Variants in SEMA3E observed in about 807,000 individuals in gnomAD.
SEMA3E encodes the protein semaphorin-3E.
A neutral mutation model predicts 93.6 loss-of-function variants in SEMA3E; 49 were observed. That is an observed-to-expected ratio of 0.52 (90% CI 0.42 to 0.66). The LOEUF is 0.66. Among genes scored for constraint, SEMA3E ranks in the 30% least tolerant of loss-of-function variants. The pLI is 0.00. For synonymous variants in SEMA3E, 363 were observed against 330.7 expected (o/e 1.10, Z -1.06); for missense variants, 906 against 964.8 (o/e 0.94, Z 0.81).
At chr7:83,401,112 C>T (rs1442799934) in intron 10 of SEMA3E, among the ~76,000 whole-genome samples, 2 of 152,040 alleles carry the variant, frequency 1.3e-5, no homozygotes, top group East Asian at 1.9e-4. Flanking sequence ...ACAAAATAAA[C>T]TGGGAAAACA....
intron 16 of SEMA3E, chr7:83,372,621 G>A (rs1794764426): frequency 5.3e-6 from 1 of 190,230 alleles, no homozygotes; most frequent in Non-Finnish European, 1.1e-5. Flanking sequence ...GATTGGTCAA[G>A]ATACAAGATA....
intron 2 of SEMA3E, among the ~76,000 whole-genome samples, chr7:83,471,038 ATTAGTTCTGT>A (rs1789883009): frequency 6.6e-6 from 1 of 151,810 alleles, no homozygotes; most frequent in African/African-American, 2.4e-5. Context: ...TCAATACATC[ATTAGTTCTGT>A]TAAACATAAG....
intron 1 of SEMA3E, among the ~76,000 whole-genome samples, chr7:83,552,241 G>A (rs550650547): frequency 6.6e-6 from 1 of 152,280 alleles, no homozygotes; most frequent in Admixed American, 6.5e-5. Context: ...CATAAATTGT[G>A]AAGATTTCAT....
At chr7:83,475,350 G>T (rs935646392) in intron 2 of SEMA3E, among the ~76,000 whole-genome samples, 5 of 152,116 alleles carry the variant, frequency 3.3e-5, no homozygotes, top group South Asian at 4.2e-4. Context: ...TCTTTTGACG[G>T]CTTTTGTTCC....
At chr7:83,422,770 C>T (rs1222671714) in intron 4 of SEMA3E, among the ~76,000 whole-genome samples, 1 of 152,076 alleles carries the variant, frequency 6.6e-6, no homozygotes, top group Non-Finnish European at 1.5e-5. Flanking sequence ...ACTGCAAGAG[C>T]AATACAAGTA....
intron 4 of SEMA3E, among the ~76,000 whole-genome samples, chr7:83,420,369 G>C (rs1788648996): frequency 6.6e-6 from 1 of 152,006 alleles, no homozygotes; most frequent in Admixed American, 6.6e-5. Flanking sequence ...GGTTAAAATG[G>C]CCATACTGCC....
chr7:83,449,148 G>A (rs1310108206), intron 4 of SEMA3E, among the ~76,000 whole-genome samples: 1 of 151,524 alleles, frequency 6.6e-6, no homozygotes, highest in Non-Finnish European at 1.5e-5. Context: ...CGCTCAGGCT[G>A]GAGTGCAGTG....
chr7:83,502,180 C>T (rs1357550624), intron 1 of SEMA3E, among the ~76,000 whole-genome samples: 1 of 152,202 alleles, frequency 6.6e-6, no homozygotes, highest in Non-Finnish European at 1.5e-5. Context: ...AGCATCTCCT[C>T]TACCACCTCT....
chr7:83,621,525 G>A (rs183067620), intron 1 of SEMA3E, among the ~76,000 whole-genome samples: 27 of 152,196 alleles, frequency 1.8e-4, no homozygotes, highest in Admixed American at 1.8e-3. Flanking sequence ...CTAAAAAAGA[G>A]CCCATAAAAC....
chr7:83,546,918 T>C (rs1045768852), intron 1 of SEMA3E, among the ~76,000 whole-genome samples: 11 of 152,068 alleles, frequency 7.2e-5, no homozygotes, highest in African/African-American at 2.2e-4. Context: ...CTCAAACTTG[T>C]TTAAACAAAA....
chr7:83,466,649 T>C, intron 3 of SEMA3E, 48 bp from the exon 4 acceptor site: 2 of 1,605,202 alleles, frequency 1.2e-6, no homozygotes, highest in Non-Finnish European at 1.7e-6. Context: ...AATAAACATG[T>C]TTCGTCCTTT....
intron 5 of SEMA3E, among the ~76,000 whole-genome samples, chr7:83,417,870 G>C (rs560447343): frequency 6.6e-6 from 1 of 152,182 alleles, no homozygotes; most frequent in East Asian, 1.9e-4. Flanking sequence ...TTTAGTGATA[G>C]GTTGAGCGGA....
chr7:83,458,134 A>G (rs1474748451), intron 4 of SEMA3E, among the ~76,000 whole-genome samples: 3 of 151,642 alleles, frequency 2.0e-5, no homozygotes, highest in Non-Finnish European at 4.4e-5. Context: ...AACTATTGGA[A>G]TTTGAAATAA....
intron 1 of SEMA3E, among the ~76,000 whole-genome samples, chr7:83,504,691 T>C (rs1260069860): frequency 3.3e-5 from 5 of 152,218 alleles, no homozygotes; most frequent in South Asian, 4.1e-4. Flanking sequence ...TCAGTTAGTA[T>C]TGATTTACTA....
At chr7:83,373,031 C>T (rs1004961343) in intron 16 of SEMA3E, 3 of 152,052 alleles carry the variant, frequency 2.0e-5, no homozygotes, top group Non-Finnish European at 2.9e-5. Flanking sequence ...GTGCATAATA[C>T]ATCATTTCTA....
intron 13 of SEMA3E, among the ~76,000 whole-genome samples, chr7:83,393,743 G>T (rs1788065311): frequency 6.6e-6 from 1 of 152,084 alleles, no homozygotes; most frequent in Admixed American, 6.6e-5. Flanking sequence ...TGCAACAACT[G>T]TTTCTAAAGA....
At chr7:83,468,437 T>A (rs1283073230) in intron 3 of SEMA3E, among the ~76,000 whole-genome samples, 1 of 152,208 alleles carries the variant, frequency 6.6e-6, no homozygotes, top group African/African-American at 2.4e-5. Context: ...GTTCAATTAG[T>A]CAGCATCATG....
chr7:83,589,192 A>G lies in SEMA3E; in HGVS notation c.115+59236T>C, dbSNP rs1584349620. On this transcript the variant is annotated intron_variant, in intron 1 of 16. Coordinates refer to ENST00000643230, the MANE Select transcript of SEMA3E (RefSeq NM_012431.3). ...ATTATAATGGCTAGGCCAGAAGGTA[A>G]TCAGATTGGCAGGGTTTCCTGCTAC... Among the ~76,000 whole-genome samples, 3 of 152,282 alleles carry G rather than the reference A, an allele frequency of 2.0e-5. No homozygotes were observed. In the East Asian group the frequency reaches 5.8e-4, roughly 29 times the overall value.
chr7:83,648,780 T>C lies in SEMA3E; in HGVS notation c.-238A>G. The C allele has an allele frequency of 1.7e-6, 1 of 579,688 alleles. No individual in the cohort carries two copies. Among genetic ancestry groups the C allele is most frequent in the Non-Finnish European group, 3.1e-6 (1 of 320,452 alleles). The allele number at this position is 579,688 out of a possible 1,614,324, so 35.9% of individuals were successfully genotyped here. ...GCAAGAGGACATTCCAAAGAGTGAGTCTTCAGAGCCATGTCCTGTCTAGAG... is the reference window on the plus strand; with the variant it reads ...GCAAGAGGACATTCCAAAGAGTGAGCCTTCAGAGCCATGTCCTGTCTAGAG... On this transcript the variant is annotated 5_prime_UTR_variant, in exon 1 of 17. Transcript: ENST00000643230.
Sources: gnomAD v4.1 joint callset for allele counts (sites outside exome capture counted in the v4.1 genomes callset) on GRCh38, gnomAD v4.1.1 for gene constraint, MANE v1.5 for transcripts, NCBI Gene and HGNC (gene_info 2026-07-23, HGNC 2026-07-21) for gene names.